The following FGR variants were observed in gnomAD, a reference collection of about 807,000 sequenced individuals.
The protein encoded by FGR is tyrosine-protein kinase Fgr.
In FGR, 26 loss-of-function variants were observed where a neutral mutation model predicts 63.2. The ratio of observed to expected loss-of-function variants is 0.41; its 90% CI spans 0.30 to 0.57. The LOEUF is 0.57. Among genes scored for constraint, FGR ranks in the 20% least tolerant of loss-of-function variants. The probability of loss-of-function intolerance (pLI) is 0.27; values close to 1 mark genes in which losing one functional copy is unlikely to be tolerated. For missense variants in FGR, 511 were observed against 690.8 expected (o/e 0.74, Z 2.92); for synonymous variants, 286 against 277.7 (o/e 1.03, Z -0.30).
chr1:27,623,593 C>T, intron 3 of FGR, 98 bp downstream of exon 3: 3 of 1,236,956 alleles, frequency 2.4e-6, no homozygotes, highest in Non-Finnish European at 3.5e-6. Flanking sequence ...TCTGCCACAT[C>T]CTCCTGGAGG....
At chr1:27,613,569 G>A (rs2089738270) in intron 11 of FGR, among the ~76,000 whole-genome samples, 1 of 152,060 alleles carries the variant, frequency 6.6e-6, no homozygotes, top group African/African-American at 2.4e-5. Context: ...CGGGCATGGT[G>A]GCGGGTGCCT....
chr1:27,614,642 G>A (rs538958694), intron 10 of FGR, 59 bp from the exon 11 acceptor site: 2 of 1,586,068 alleles, frequency 1.3e-6, no homozygotes, highest in East Asian at 4.5e-5. Flanking sequence ...ACCGTGGCCT[G>A]TTTGAGGGGT....
chr1:27,614,975 G>A (rs2089776951), intron 9 of FGR, 49 bp from the exon 10 acceptor site: 1 of 1,468,330 alleles, frequency 6.8e-7, no homozygotes, highest in East Asian at 2.4e-5. Flanking sequence ...CCGGGCCCCA[G>A]CCCCTCCTCC....
chr1:27,614,787 A>G, intron 10 of FGR, 63 bp downstream of exon 10: 1 of 1,478,258 alleles, frequency 6.8e-7, no homozygotes. Context: ...TTGAAGGGAC[A>G]GAGAATTTGT....
At chr1:27,620,991 C>CAAAA (rs59265327) in intron 5 of FGR, among the ~76,000 whole-genome samples, 532 of 21,088 alleles carry the variant, frequency 0.025, no homozygotes, top group Middle Eastern at 0.071. Context: ...GACCCTGTCT[C>CAAAA]AAAAAAAAAA....
intron 1 of FGR, among the ~76,000 whole-genome samples, chr1:27,631,491 T>C (rs186787943): frequency 2.6e-5 from 4 of 152,360 alleles, no homozygotes; most frequent in Admixed American, 2.6e-4. Flanking sequence ...GCTCAAATTC[T>C]AGCCTGCCTG....
chr1:27,621,709 C>A, intron 4 of FGR, 52 bp from the exon 5 acceptor site: 2 of 1,365,390 alleles, frequency 1.5e-6, no homozygotes, highest in Non-Finnish European at 2.1e-6. Context: ...CCCCAAGGCA[C>A]CCTGAGGCCA....
In FGR at chr1:27,613,269, A is replaced by G. The variant is rs780998575; in HGVS notation, c.1331T>C (p.Phe444Ser). ...GATGAGCTCAGTGAGCAGGATCCCA[A>G]AGGACCACACGTCTGACTTGATGGT... Reference protein sequence around the residue: ...RFTIKSDVWSFGILLTELITK... With the variant: ...RFTIKSDVWSSGILLTELITK... Residue 444 changes from phenylalanine (F) to serine (S), a missense_variant, in exon 12 of 13, where the codon TTT (phenylalanine) becomes TCT (serine). Coordinates refer to ENST00000374005, the MANE Select transcript of FGR (RefSeq NM_005248.3). 3 of 1,614,166 alleles carry G rather than the reference A, an allele frequency of 1.9e-6. No individual in the cohort carries two copies. The highest frequency in any genetic ancestry group is 2.5e-6 in the Non-Finnish European group (3 of 1,180,012).
At position 27,615,843 on chromosome 1, in the gene FGR, C is replaced by T. The variant is rs1480956733; in HGVS notation, c.684G>A (p.Glu228=). ...GCAGGTTGCACAGCCCGTCATTCAC[C>T]TCTAGGGGAGGGGTCATGAAGTAGA... The part of the protein sequence containing the change: ...SVQELVQHYM[E]VNDGLCNLLI... Residue 228 remains glutamate, a splice_region_variant and synonymous_variant, in exon 8 of 13, where the codon GAG becomes GAA. Coordinates refer to ENST00000374005, the MANE Select transcript of FGR (RefSeq NM_005248.3). This position sits in a 1 kb window ranked among gnomAD's most constrained non-coding sequence, Gnocchi z 7.6. 1.9e-6 allele frequency: 3 copies of T among 1,582,040 alleles called. No homozygotes were observed. The highest frequency in any genetic ancestry group is 2.6e-6 in the Non-Finnish European group (3 of 1,162,538).
intron 1 of FGR, among the ~76,000 whole-genome samples, chr1:27,634,395 A>C (rs1388729360): frequency 6.6e-6 from 1 of 152,118 alleles, no homozygotes; most frequent in African/African-American, 2.4e-5. Context: ...GCCCGGCAGG[A>C]GTCCCCTGCA....
chr1:27,624,025 C>T (rs531452938), intron 2 of FGR, 96 bp from the exon 3 acceptor site: 10 of 1,085,932 alleles, frequency 9.2e-6, no homozygotes, highest in East Asian at 2.4e-5. Context: ...CATACAGGCA[C>T]GTGGCTTTCC....
chr1:27,625,837 G>A lies in FGR; in HGVS notation c.-76-686C>T, dbSNP rs187611569. On this transcript the variant is annotated intron_variant, in intron 1 of 12. Coordinates refer to ENST00000374005, the MANE Select transcript of FGR (RefSeq NM_005248.3). Reference sequence around the variant, plus strand: ...GCCTGTAGTCCCAGCTACTTGGGAGGCCGAGGCAGCAGAATCACTTGAACC... The same window carrying A: ...GCCTGTAGTCCCAGCTACTTGGGAGACCGAGGCAGCAGAATCACTTGAACC... Among the ~76,000 whole-genome samples, 332 of 152,342 alleles carry A rather than the reference G, an allele frequency of 2.2e-3. 3 individuals are homozygous for A. Among genetic ancestry groups the A allele is most frequent in the South Asian group, 2.9e-3 (14 of 4,832 alleles).
At chr1:27,621,536 G>C in intron 5 of FGR, 23 bp downstream of exon 5, 1 of 1,587,064 alleles carries the variant, frequency 6.3e-7, no homozygotes, top group Non-Finnish European at 8.7e-7. Flanking sequence ...CATAGGGCTG[G>C]TCTTGCCCCA....
intron 4 of FGR, among the ~76,000 whole-genome samples, chr1:27,621,932 A>T (rs11800755): frequency 0.046 from 7,047 of 152,212 alleles, 580 homozygotes; most frequent in African/African-American, 0.16. Flanking sequence ...GGGAATTCAG[A>T]GGACAGCTGA....
rs142711792 is a variant in FGR at position 27,617,287 on chromosome 1, A to G, written c.438T>C (p.Phe146=). The change falls in exon 6 of 13, where the codon TTT becomes TTC. Residue 146 remains phenylalanine, a synonymous_variant. Transcript: ENST00000374005. The surrounding 1 kb of genome is among the most constrained non-coding windows in gnomAD (Gnocchi z 4.5). The stretch of plus-strand genomic sequence containing the variant: ...CTGCATCCTTTCTCCCAATCTTTCC[A>G]AAGTACCACCTGTTGGGAAAGGCAG... The part of the protein sequence containing the change: ...VDSIQAEEWY[F]GKIGRKDAER... 300 of 1,613,612 alleles carry G rather than the reference A, an allele frequency of 1.9e-4. No individual in the cohort carries two copies. Among genetic ancestry groups the G allele is most frequent in the Non-Finnish European group, 2.5e-4 (296 of 1,179,712 alleles).
rs1359714712 is a variant in FGR at position 27,616,020 on chromosome 1, G to A, written c.683-176C>T. On this transcript the variant is annotated intron_variant, in intron 7 of 12. Coordinates refer to ENST00000374005, the MANE Select transcript of FGR (RefSeq NM_005248.3). The surrounding 1 kb of genome is among the most constrained non-coding windows in gnomAD (Gnocchi z 4.3). ...ATCCACTAAATAGGGGAACATGTTG[G>A]TGCCCAAGGAAGGGGGTGGCACCCA... 2.0e-5 allele frequency among the ~76,000 whole-genome samples: 3 copies of A among 152,328 alleles called. 1 individual carries two copies. The highest frequency in any genetic ancestry group is 4.1e-4 in the South Asian group (2 of 4,826).
intron 11 of FGR, 127 bp from the exon 12 acceptor site, chr1:27,613,477 C>T (rs548379879): frequency 2.5e-5 from 25 of 1,014,138 alleles, no homozygotes; most frequent in South Asian, 9.2e-5. Context: ...CCAAGGCAGG[C>T]GGATCACTTG....
chr1:27,614,451 C>T lies in FGR; in HGVS notation c.1228G>A (p.Asp410Asn). 6.2e-7 allele frequency: 1 copy of T among 1,613,348 alleles called. No homozygotes were observed. Among genetic ancestry groups the T allele is most frequent in the East Asian group, 2.2e-5 (1 of 44,864 alleles). Residue 410 changes from aspartate to asparagine, a missense_variant, in exon 11 of 13, where the codon GAT becomes AAT. Coordinates refer to ENST00000374005, the MANE Select transcript of FGR (RefSeq NM_005248.3). ...GCACCTTGGCAGGGGTTGTACTCATCGTCCTTGATGAGACGCGCCAAGCCA... is the reference window on the plus strand; with the variant it reads ...GCACCTTGGCAGGGGTTGTACTCATTGTCCTTGATGAGACGCGCCAAGCCA... ...DFGLARLIKD[D>N]EYNPCQGSKF... is the part of the protein sequence containing the mutation.
intron 11 of FGR, among the ~76,000 whole-genome samples, 179 bp from the exon 12 acceptor site, chr1:27,613,529 C>G (rs1008875485): frequency 6.6e-6 from 1 of 151,990 alleles, no homozygotes; most frequent in South Asian, 2.1e-4. Context: ...ATGGCGAAAC[C>G]CTGTCTCTAC....
Sources: allele counts gnomAD v4.1 joint callset (sites outside exome capture counted in the v4.1 genomes callset), GRCh38; gene constraint gnomAD v4.1.1; non-coding constraint Gnocchi (gnomAD v3.1); transcripts MANE v1.5; gene names NCBI Gene and HGNC (gene_info 2026-07-23, HGNC 2026-07-21).